Variants in CDHR2 observed in about 807,000 individuals in gnomAD.
CDHR2 encodes the protein cadherin related family member 2.
In CDHR2, 104 loss-of-function variants were observed where a neutral mutation model predicts 138.6. That is an observed-to-expected ratio of 0.75 (90% CI 0.64 to 0.88). The LOEUF (loss-of-function observed/expected upper bound fraction) is 0.88. Among genes scored for constraint, CDHR2 ranks in the 40% least tolerant of loss-of-function variants. The probability of loss-of-function intolerance (pLI) is 0.00; values close to 1 mark genes in which losing one functional copy is unlikely to be tolerated. For synonymous variants in CDHR2, 755 were observed against 742.8 expected (o/e 1.02, Z -0.27); for missense variants, 1,624 against 1,727.6 (o/e 0.94, Z 1.06).
chr5:176,552,089 AC>A (rs1399581524), intron 1 of CDHR2, among the ~76,000 whole-genome samples: 2 of 152,174 alleles, frequency 1.3e-5, no homozygotes, highest in Non-Finnish European at 2.9e-5. Flanking sequence ...ACCTTGTTTC[AC>A]ACCCATGCGT....
chr5:176,571,263 C>A lies in CDHR2; in HGVS notation c.366C>A (p.Pro122=). 6.2e-7 allele frequency: 1 copy of A among 1,612,106 alleles called. No individual in the cohort carries two copies. The highest frequency in any genetic ancestry group is 1.3e-5 in the African/African-American group (1 of 74,828). ...VIVEDRNDNA[P]VFQNTAFSTS... is the part of the protein sequence containing the mutation. ...TGGAAGATAGAAACGACAACGCACC[C>A]GTTTTCCAGAACACCGCTTTCTCCA... The change falls in exon 6 of 32, where the codon CCC becomes CCA. Residue 122 remains proline, a synonymous_variant. Transcript: ENST00000261944.
chr5:176,569,157 C>T (rs1319963363), intron 5 of CDHR2, 147 bp downstream of exon 5: 1 of 517,000 alleles, frequency 1.9e-6, no homozygotes, highest in African/African-American at 2.0e-5. Flanking sequence ...ATTTCTTTGT[C>T]ATATGACATT....
At chr5:176,586,141 C>T in intron 20 of CDHR2, 116 bp downstream of exon 20, 1 of 744,508 alleles carries the variant, frequency 1.3e-6, no homozygotes, top group Non-Finnish European at 2.4e-6. Flanking sequence ...GGGAAGGCCT[C>T]TAATCCTGCA....
At chr5:176,582,548 C>T (rs1295501979) in intron 17 of CDHR2, among the ~76,000 whole-genome samples, 1 of 152,058 alleles carries the variant, frequency 6.6e-6, no homozygotes, top group Non-Finnish European at 1.5e-5. Context: ...CTTTGGGAGG[C>T]CAAGGTGAGA....
At chr5:176,565,018 C>T (rs908269891) in intron 1 of CDHR2, among the ~76,000 whole-genome samples, 1 of 152,194 alleles carries the variant, frequency 6.6e-6, no homozygotes, top group Non-Finnish European at 1.5e-5. Flanking sequence ...CAAGCCCCTT[C>T]GTATCTTGGT....
intron 1 of CDHR2, among the ~76,000 whole-genome samples, chr5:176,557,560 A>ATTTTTTTTTT (rs5873538): frequency 1.1e-5 from 1 of 87,428 alleles, no homozygotes; most frequent in South Asian, 3.7e-4. Flanking sequence ...ACCTTCTTAG[A>ATTTTTTTTTT]TTTTTTTTTT....
rs545598518 is a variant in CDHR2 at position 176,590,493 on chromosome 5, C to G, written c.3414+8C>G. ...CTGGGGCTGGTGGTGCTGGTGAGTG[C>G]GGGCAGGGCGGGGCAGCAGGTGGGG... On this transcript the variant is annotated splice_region_variant and intron_variant, in intron 27 of 31. Transcript: ENST00000261944. 1.9e-6 allele frequency: 3 copies of G among 1,613,852 alleles called. No homozygotes were observed. Among genetic ancestry groups the G allele is most frequent in the Admixed American group, 1.7e-5 (1 of 60,022 alleles).
chr5:176,588,927 G>T, intron 21 of CDHR2, 104 bp from the exon 22 acceptor site: 7 of 1,182,526 alleles, frequency 5.9e-6, no homozygotes, highest in Non-Finnish European at 8.5e-6. Flanking sequence ...GGATAGAGAC[G>T]GTGAGGGCCA....
At chr5:176,589,465 C>T (rs1174479801) in intron 23 of CDHR2, 27 bp downstream of exon 23, 1 of 1,610,504 alleles carries the variant, frequency 6.2e-7, no homozygotes, top group Non-Finnish European at 8.5e-7. Flanking sequence ...CCTCCAGCCC[C>T]CAACGCCCTC....
intron 31 of CDHR2, among the ~76,000 whole-genome samples, chr5:176,594,669 C>T (rs921558131): frequency 1.1e-4 from 17 of 152,326 alleles, no homozygotes; most frequent in African/African-American, 2.6e-4. Context: ...GAATGCTTAG[C>T]CCCTCTGGGG....
Position 176,577,448 on chromosome 5 carries a change from C to A in CDHR2, c.1244C>A (p.Ala415Asp). Residue 415 changes from alanine to aspartate, a missense_variant, in exon 13 of 32, where the codon GCC becomes GAC. Transcript: ENST00000261944. ...TCGCTGGGGGGCCCCGATGCAGAAG[C>A]CTTCAGCGTCTCCCCGGAGCGGGCA... ...LLSLGGPDAE[A>D]FSVSPERAVG... 1 of 1,610,410 alleles carries A rather than the reference C, an allele frequency of 6.2e-7. No homozygotes were observed. Among genetic ancestry groups the A allele is most frequent in the Non-Finnish European group, 8.5e-7 (1 of 1,178,810 alleles).
chr5:176,543,287 C>A lies in CDHR2; in HGVS notation c.-16+518C>A, dbSNP rs1041250535. ...TGGGGCCGCGGCGGGGCTCCACCCCCACCCGGCGGCCGGCGCGTCGCTCCC... is the reference window on the plus strand; with the variant it reads ...TGGGGCCGCGGCGGGGCTCCACCCCAACCCGGCGGCCGGCGCGTCGCTCCC... On this transcript the variant is annotated intron_variant, in intron 1 of 31. Transcript: ENST00000510636. The surrounding 1 kb of genome is among the most constrained non-coding windows in gnomAD (Gnocchi z 4.0). 8.2e-5 allele frequency among the ~76,000 whole-genome samples: 12 copies of A among 146,426 alleles called. No individual in the cohort carries two copies. The highest frequency in any genetic ancestry group is 7.4e-4 in the Admixed American group (11 of 14,778).
chr5:176,569,082 C>T, intron 5 of CDHR2, 72 bp downstream of exon 5: 1 of 1,436,068 alleles, frequency 7.0e-7, no homozygotes, highest in Non-Finnish European at 9.7e-7. Context: ...CCACCTCCGG[C>T]AAGCGGACGG....
chr5:176,584,492 T>C lies in CDHR2; in HGVS notation c.2211T>C (p.Ser737=). Residue 737 remains serine, a synonymous_variant, in exon 19 of 32, where the codon AGT becomes AGC. Transcript: ENST00000261944. ...GCATCAGCTTCAGCCTGTCGGGGAGTGGTGCCAACTACTTCATGATCCGAG... is the reference window on the plus strand; with the variant it reads ...GCATCAGCTTCAGCCTGTCGGGGAGCGGTGCCAACTACTTCATGATCCGAG... ...NNRISFSLSG[S]GANYFMIRGL... The C allele has an allele frequency of 6.2e-7, 1 of 1,612,350 alleles. No homozygotes were observed. Among genetic ancestry groups the C allele is most frequent in the African/African-American group, 1.3e-5 (1 of 74,734 alleles).
intron 1 of CDHR2, among the ~76,000 whole-genome samples, chr5:176,562,626 G>A (rs1001623969): frequency 6.6e-6 from 1 of 152,192 alleles, no homozygotes; most frequent in Non-Finnish European, 1.5e-5. Context: ...GTGCTTGGTA[G>A]TGTTAACTTT....
rs1758335386 is a variant in CDHR2, at chr5:176,575,129, G to A, written c.541G>A (p.Ala181Thr). The A allele has an allele frequency of 6.2e-7, 1 of 1,614,032 alleles. No homozygotes were observed. The stretch of plus-strand genomic sequence containing the variant: ...CAGCGAGCATCTCTTCCGGATCCTG[G>A]CCAATGGCTCCATAGTCCTCAATGG... ...GDSEHLFRIL[A>T]NGSIVLNGSL... The change falls in exon 8 of 32, where the codon GCC becomes ACC. Residue 181 changes from alanine to threonine, a missense_variant. By Grantham distance (58) the Ala-to-Thr change is moderately conservative. Coordinates refer to ENST00000261944, the MANE Select transcript of CDHR2 (RefSeq NM_017675.6).
At position 176,543,820 on chromosome 5, in the gene CDHR2, C is replaced by T. The variant is rs1161083378; in HGVS notation, c.-16+1051C>T. 1 of 152,294 alleles carries T rather than the reference C, an allele frequency of 6.6e-6. No individual in the cohort carries two copies. Among genetic ancestry groups the T allele is most frequent in the Non-Finnish European group, 1.5e-5 (1 of 68,092 alleles). The allele number at this position is 152,294 out of a possible 1,614,324, so 9.4% of individuals were successfully genotyped here. A position where few individuals can be genotyped will look rare whatever the true frequency, so the allele number is the denominator to read the frequency against. On this transcript the variant is annotated intron_variant, in intron 1 of 31. Transcript: ENST00000510636. This position sits in a 1 kb window ranked among gnomAD's most constrained non-coding sequence, Gnocchi z 4.0. The stretch of plus-strand genomic sequence containing the variant: ...TGCGGAATGGAATTGATGATACCTT[C>T]TTCAGGAGGAGGATGGGAGACTCCA...
intron 19 of CDHR2, among the ~76,000 whole-genome samples, chr5:176,585,554 T>C (rs1758638600): frequency 6.6e-6 from 1 of 152,188 alleles, no homozygotes; most frequent in East Asian, 1.9e-4. Flanking sequence ...GCTTATATAG[T>C]TAGAATGTGT....
At chr5:176,571,108 T>C in intron 5 of CDHR2, 105 bp from the exon 6 acceptor site, 3 of 437,768 alleles carry the variant, frequency 6.9e-6, no homozygotes, top group Non-Finnish European at 1.3e-5. Flanking sequence ...GACCAAACAG[T>C]AGGTTGATCT....
Sources: gnomAD v4.1 joint callset for allele counts (sites outside exome capture counted in the v4.1 genomes callset) on GRCh38, gnomAD v4.1.1 for gene constraint, Gnocchi (gnomAD v3.1) non-coding constraint, MANE v1.5 for transcripts, NCBI Gene and HGNC (gene_info 2026-07-23, HGNC 2026-07-21) for gene names.